NOL10: variants seen among roughly 807,000 people sequenced by gnomAD.
NOL10 encodes nucleolar protein 10.
In NOL10, 58 loss-of-function variants were observed where a neutral mutation model predicts 103.5. The ratio of observed to expected loss-of-function variants is 0.56; its 90% CI spans 0.45 to 0.70. The LOEUF (loss-of-function observed/expected upper bound fraction) is 0.70, where lower values mean the gene tolerates loss of function less well. Among genes scored for constraint, NOL10 ranks in the 30% least tolerant of loss-of-function variants. The pLI, the probability that NOL10 is intolerant of heterozygous loss-of-function variation, is 0.00. For missense variants in NOL10, 763 were observed against 807.3 expected (o/e 0.95, Z 0.67); for synonymous variants, 287 against 282.5 (o/e 1.02, Z -0.16).
chr2:10,661,335 A>G (rs1219956262), intron 9 of NOL10, among the ~76,000 whole-genome samples: 1 of 151,938 alleles, frequency 6.6e-6, no homozygotes, highest in African/African-American at 2.4e-5. Flanking sequence ...TCAGCCTCCC[A>G]AAGTGCTGGG....
chr2:10,587,994 C>T (rs1045585549), intron 19 of NOL10, among the ~76,000 whole-genome samples: 9 of 152,158 alleles, frequency 5.9e-5, no homozygotes, highest in African/African-American at 2.2e-4. Flanking sequence ...CTTGGCTCCC[C>T]AGACATTCCA....
At chr2:10,608,521 T>TATTCC (rs60594236) in intron 13 of NOL10, among the ~76,000 whole-genome samples, 89,423 of 151,432 alleles carry the variant, frequency 0.59, 27,366 homozygotes, top group African/African-American at 0.74. Context: ...AAGCTAGAGG[T>TATTCC]AATGAGAGAA....
chr2:10,574,152 G>T (rs945082455), intron 20 of NOL10, among the ~76,000 whole-genome samples: 4 of 152,120 alleles, frequency 2.6e-5, no homozygotes, highest in African/African-American at 7.2e-5. Flanking sequence ...TGAGAACTGT[G>T]GTGGCAAGAG....
At chr2:10,669,175 C>T (rs1023793705) in intron 6 of NOL10, among the ~76,000 whole-genome samples, 1 of 151,668 alleles carries the variant, frequency 6.6e-6, no homozygotes, top group Admixed American at 6.6e-5. Flanking sequence ...TCACGGGCGC[C>T]ACTCACTACA....
At chr2:10,656,441 TAAAC>T (rs1485002442) in intron 11 of NOL10, among the ~76,000 whole-genome samples, 4 of 152,108 alleles carry the variant, frequency 2.6e-5, no homozygotes, top group African/African-American at 4.8e-5. Flanking sequence ...CTCTGTAACA[TAAAC>T]AAAGTCACCA....
At chr2:10,620,028 C>G (rs534748494) in intron 13 of NOL10, among the ~76,000 whole-genome samples, 3 of 152,188 alleles carry the variant, frequency 2.0e-5, no homozygotes, top group African/African-American at 4.8e-5. Context: ...AAAGGCACTA[C>G]GCCAATTTTT....
chr2:10,680,814 G>A (rs1265339989), intron 3 of NOL10, among the ~76,000 whole-genome samples: 1 of 152,160 alleles, frequency 6.6e-6, no homozygotes, highest in Admixed American at 6.6e-5. Flanking sequence ...GGACTTACGC[G>A]CCAAAATCAC....
chr2:10,657,819 A>C lies in NOL10; in HGVS notation c.829T>G (p.Ser277Ala). The change falls in exon 11 of 21, where the codon TCC (serine) becomes GCC (alanine). Residue 277 changes from serine to alanine, a missense_variant. Transcript: ENST00000381685. ...TCTAATGAATCCTGGAAATGAACGGACTTAATGGGCAGCCCATACTGGTGA... is the reference window on the plus strand; with the variant it reads ...TCTAATGAATCCTGGAAATGAACGGCCTTAATGGGCAGCCCATACTGGTGA... ...KDHQYGLPIKSVHFQDSLDLI... is the reference protein window; with the variant it reads ...KDHQYGLPIKAVHFQDSLDLI... 2 of 1,551,196 alleles carry C rather than the reference A, an allele frequency of 1.3e-6. No individual in the cohort carries two copies. Among genetic ancestry groups the C allele is most frequent in the Non-Finnish European group, 1.7e-6 (2 of 1,146,616 alleles).
At chr2:10,643,546 TAAGAG>T (rs1678860023) in intron 13 of NOL10, among the ~76,000 whole-genome samples, 2 of 152,314 alleles carry the variant, frequency 1.3e-5, no homozygotes, top group African/African-American at 4.8e-5. Context: ...TCTGGCTATT[TAAGAG>T]AAGAATTATT....
chr2:10,689,413 CA>C (rs757605471), intron 1 of NOL10, among the ~76,000 whole-genome samples: 6 of 152,210 alleles, frequency 3.9e-5, no homozygotes, highest in Non-Finnish European at 8.8e-5. Context: ...AGGGACTCCA[CA>C]AACAGCTGAT....
At chr2:10,622,238 T>C (rs962561918) in intron 13 of NOL10, 6 of 460,366 alleles carry the variant, frequency 1.3e-5, no homozygotes, top group Non-Finnish European at 2.7e-5. Flanking sequence ...TATGCAACTA[T>C]TAAAAAGAGA....
In NOL10 at chr2:10,587,256, TACAC is replaced by T. The variant is rs61115919; in HGVS notation, c.1844+1783_1844+1786del. Among the ~76,000 whole-genome samples the T allele has an allele frequency of 2.3e-3, 80 of 35,488 alleles. 6 individuals carry two copies. The highest frequency in any genetic ancestry group is 3.2e-3 in the Admixed American group (9 of 2,814). 23.3% of individuals were successfully genotyped at this position (35,488 alleles called of 152,430 possible). A position where few individuals can be genotyped will look rare whatever the true frequency, so the allele number is the denominator to read the frequency against. ...ATATATATACATACATATATATATATACACATATATATATATATATTTTTTTTTT... is the reference window on the plus strand; with the variant it reads ...ATATATATACATACATATATATATATATATATATATATATATTTTTTTTTT... On this transcript the variant is annotated intron_variant, in intron 19 of 20. Transcript: ENST00000381685.
intron 4 of NOL10, among the ~76,000 whole-genome samples, chr2:10,674,818 C>T (rs961404073): frequency 5.0e-4 from 76 of 151,626 alleles, no homozygotes; most frequent in African/African-American, 1.7e-3. Flanking sequence ...GCCTGGGCGA[C>T]AGAGCAAGAC....
rs371353117 is a variant in NOL10 at position 10,571,987 on chromosome 2, C to G, written c.*84G>C. On this transcript the variant is annotated 3_prime_UTR_variant, in exon 21 of 21. Coordinates refer to ENST00000381685, the MANE Select transcript of NOL10 (RefSeq NM_024894.4). Reference sequence around the variant, plus strand: ...ACATGAACTTTAAAAACGTGTGTTTCCTCGTCTGTGTTTAACACCCTAACG... The same window carrying G: ...ACATGAACTTTAAAAACGTGTGTTTGCTCGTCTGTGTTTAACACCCTAACG... 16 of 1,469,106 alleles carry G rather than the reference C, an allele frequency of 1.1e-5. 1 individual carries two copies. In the Admixed American group the frequency reaches 1.1e-4, roughly 10 times the overall value. The allele number at this position is 1,469,106 out of a possible 1,614,324, so 91.0% of individuals were successfully genotyped here.
At chr2:10,639,043 T>C (rs1365644715) in intron 13 of NOL10, among the ~76,000 whole-genome samples, 1 of 151,468 alleles carries the variant, frequency 6.6e-6, no homozygotes, top group Non-Finnish European at 1.5e-5. Context: ...CCTTAAGTGA[T>C]CTGCCCATCT....
At chr2:10,683,238 G>A (rs1215200594) in intron 2 of NOL10, among the ~76,000 whole-genome samples, 1 of 152,188 alleles carries the variant, frequency 6.6e-6, no homozygotes, top group African/African-American at 2.4e-5. Flanking sequence ...TCTTTCATAT[G>A]TGACAAGCTA....
intron 13 of NOL10, among the ~76,000 whole-genome samples, chr2:10,622,628 C>T (rs1415989313): frequency 6.6e-6 from 1 of 152,160 alleles, no homozygotes; most frequent in African/African-American, 2.4e-5. Context: ...AGCGGAGACC[C>T]AGCCCCTAAT....
At chr2:10,595,364 G>A (rs1217776616) in intron 17 of NOL10, among the ~76,000 whole-genome samples, 1 of 152,010 alleles carries the variant, frequency 6.6e-6, no homozygotes, top group Admixed American at 6.6e-5. Context: ...TTACTGGGCT[G>A]GAGTGCAGTG....
intron 7 of NOL10, 25 bp downstream of exon 7, chr2:10,668,633 T>C: frequency 2.5e-6 from 3 of 1,198,760 alleles, no homozygotes; most frequent in South Asian, 1.4e-5. Context: ...AAAATGTATA[T>C]AGCAGAATTA....
Sources: gnomAD v4.1 joint callset for allele counts (sites outside exome capture counted in the v4.1 genomes callset) on GRCh38, gnomAD v4.1.1 for gene constraint, MANE v1.5 for transcripts, NCBI Gene and HGNC (gene_info 2026-07-23, HGNC 2026-07-21) for gene names.